ENO4: variants seen among roughly 807,000 people sequenced by gnomAD.
The protein encoded by ENO4 is 2-phospho-D-glycerate hydro-lyase.
Under a neutral mutation model 63.2 loss-of-function variants are expected in ENO4, and 53 were observed. That is an observed-to-expected ratio of 0.84 (90% CI 0.67 to 1.05). ENO4 has a LOEUF of 1.05. ENO4 is among the 50% of genes least tolerant of loss of function. The pLI is 0.00. For missense variants in ENO4, 719 were observed against 772.0 expected (o/e 0.93, Z 0.81); for synonymous variants, 266 against 283.8 (o/e 0.94, Z 0.63).
At chr10:116,904,980 T>A (rs1305532838) in intron 10 of ENO4, among the ~76,000 whole-genome samples, 4 of 151,560 alleles carry the variant, frequency 2.6e-5, no homozygotes, top group African/African-American at 9.7e-5. Context: ...GGCGGGTGGA[T>A]CATGAGGTCA....
chr10:116,911,397 C>T (rs1848185747), intron 10 of ENO4: 2 of 1,455,622 alleles, frequency 1.4e-6, no homozygotes, highest in Admixed American at 2.2e-5. Flanking sequence ...AGGAATTTAG[C>T]TTCACATTTA....
At chr10:116,877,848 T>A (rs1846881751) in intron 11 of ENO4, among the ~76,000 whole-genome samples, 1 of 152,216 alleles carries the variant, frequency 6.6e-6, no homozygotes, top group Non-Finnish European at 1.5e-5. Flanking sequence ...ACTTTATTGA[T>A]AAGAAAACAA....
At chr10:116,870,038 AG>A (rs1178671246) in intron 8 of ENO4, among the ~76,000 whole-genome samples, 2 of 152,208 alleles carry the variant, frequency 1.3e-5, no homozygotes, top group African/African-American at 4.8e-5. Flanking sequence ...AACAAAACTC[AG>A]TTGATGGACA....
At chr10:116,878,968 C>A (rs1387737772) in intron 11 of ENO4, among the ~76,000 whole-genome samples, 1 of 152,098 alleles carries the variant, frequency 6.6e-6, no homozygotes, top group African/African-American at 2.4e-5. Context: ...TGGTCTCGAT[C>A]TCCTGACCTC....
Position 116,879,962 on chromosome 10 carries a change from G to A in ENO4, c.1699G>A (p.Glu567Lys). The stretch of plus-strand genomic sequence containing the variant: ...CAACCGCCTTCTCACTATAGAGGAA[G>A]AACTTGTCCAGAATGGAACACTGGG... ...KYNRLLTIEE[E>K]LVQNGTLGFK... The change falls in exon 13 of 14, where the codon GAA becomes AAA. Residue 567 changes from glutamate to lysine, a missense_variant. Around this residue, in one of 3 missense-constraint regions of ENO4, gnomAD observed 168 missense variants for 163.3 expected, o/e 1.03. Coordinates refer to ENST00000341276, the MANE Select transcript of ENO4 (RefSeq NM_001242699.2). 1 of 1,550,758 alleles carries A rather than the reference G, an allele frequency of 6.4e-7. No homozygotes were observed. Among genetic ancestry groups the A allele is most frequent in the Non-Finnish European group, 8.7e-7 (1 of 1,146,892 alleles).
At chr10:116,880,171 C>A (rs1846964842) in intron 13 of ENO4, among the ~76,000 whole-genome samples, 185 bp downstream of exon 13, 1 of 152,144 alleles carries the variant, frequency 6.6e-6, no homozygotes, top group African/African-American at 2.4e-5. Flanking sequence ...CATCTATTTA[C>A]CTGAATGTTT....
At position 116,868,688 on chromosome 10, in the gene ENO4, T is replaced by C. The variant is rs750887648; in HGVS notation, c.1029T>C (p.Asp343=). Residue 343 remains aspartate, a synonymous_variant, in exon 8 of 14, where the codon GAT becomes GAC. Coordinates refer to ENST00000341276, the MANE Select transcript of ENO4 (RefSeq NM_001242699.2). Reference sequence around the variant, plus strand: ...AAGCAGAGACAAAAAAAGGGCACGATGGAAGCAAAAGAGGTCAAGTAAGTC... The same window carrying C: ...AAGCAGAGACAAAAAAAGGGCACGACGGAAGCAAAAGAGGTCAAGTAAGTC... ...PPKAETKKGH[D]GSKRGQQQIT... 5.8e-6 allele frequency: 9 copies of C among 1,550,402 alleles called. No homozygotes were observed. Among genetic ancestry groups the C allele is most frequent in the Non-Finnish European group, 7.8e-6 (9 of 1,146,964 alleles).
At position 116,865,813 on chromosome 10, in the gene ENO4, G is replaced by A. The variant is rs79831552; in HGVS notation, c.991-2837G>A. Among the ~76,000 whole-genome samples the A allele has an allele frequency of 1.4e-4, 21 of 152,338 alleles. No individual in the cohort carries two copies. The East Asian group carries it at 3.7e-3, about 27-fold the overall frequency. ...CCCAAATGTCAATAGCGCCAAGGCT[G>A]AGGAAGCCTGCTTTAAGGCTGTTGC... On this transcript the variant is annotated intron_variant, in intron 7 of 13. Coordinates refer to ENST00000341276, the MANE Select transcript of ENO4 (RefSeq NM_001242699.2).
chr10:116,898,664 T>C (rs1053117322), intron 10 of ENO4, among the ~76,000 whole-genome samples: 1 of 152,200 alleles, frequency 6.6e-6, no homozygotes, highest in Admixed American at 6.5e-5. Flanking sequence ...TTGTAGCTAT[T>C]ATTAAAATAG....
At chr10:116,891,956 A>G (rs928249185) in intron 10 of ENO4, among the ~76,000 whole-genome samples, 1 of 152,208 alleles carries the variant, frequency 6.6e-6, no homozygotes, top group African/African-American at 2.4e-5. Context: ...ATTTGTGGAA[A>G]AAGTAGATTT....
At chr10:116,882,944 G>C (rs1847060999), downstream of ENO4, 1 of 150,720 alleles carries the variant, frequency 6.6e-6, no homozygotes, top group African/African-American at 2.5e-5. Context: ...AAACATGACT[G>C]GGTGTTCACA....
chr10:116,877,726 G>GTGCA (rs1679220193), intron 11 of ENO4, among the ~76,000 whole-genome samples: 1 of 152,188 alleles, frequency 6.6e-6, no homozygotes, highest in Non-Finnish European at 1.5e-5. Flanking sequence ...TCCAGTGCTG[G>GTGCA]TGCATCTGGG....
Position 116,882,501 on chromosome 10 carries a change from T to G in ENO4, c.*832T>G, listed in dbSNP as rs1403532072. ...AGAGGAGTAGCAGAAATAAATATAT[T>G]CAGACACAAACATATAGATATAATA... On this transcript the variant is annotated 3_prime_UTR_variant, in exon 14 of 14. Coordinates refer to ENST00000341276, the MANE Select transcript of ENO4 (RefSeq NM_001242699.2). 6.6e-6 allele frequency: 1 copy of G among 152,068 alleles called. No homozygotes were observed. Among genetic ancestry groups the G allele is most frequent in the Non-Finnish European group, 1.5e-5 (1 of 68,026 alleles). The allele number at this position is 152,068 out of a possible 1,614,324, so 9.4% of individuals were successfully genotyped here.
At chr10:116,888,599 A>T (rs1483449247) in intron 10 of ENO4, among the ~76,000 whole-genome samples, 1 of 152,192 alleles carries the variant, frequency 6.6e-6, no homozygotes, top group Non-Finnish European at 1.5e-5. Flanking sequence ...AATCTGCAGA[A>T]TAAGCAGGAG....
Position 116,849,558 on chromosome 10 carries a change from T to C in ENO4, c.-9T>C. 5 of 1,529,024 alleles carry C rather than the reference T, an allele frequency of 3.3e-6. No homozygotes were observed. The highest frequency in any genetic ancestry group is 4.4e-6 in the Non-Finnish European group (5 of 1,137,198). 94.7% of individuals were successfully genotyped at this position (1,529,024 alleles called of 1,614,324 possible). Reference sequence around the variant, plus strand: ...GGCTAAACCCCGCTGTAGCCTTAAATCTCCTACCATGGAGGAAGAAGGCGG... The same window carrying C: ...GGCTAAACCCCGCTGTAGCCTTAAACCTCCTACCATGGAGGAAGAAGGCGG... On this transcript the variant is annotated 5_prime_UTR_variant, in exon 1 of 14. Coordinates refer to ENST00000341276, the MANE Select transcript of ENO4 (RefSeq NM_001242699.2).
At position 116,896,997 on chromosome 10, in the gene ENO4, G is replaced by A. The variant is rs555137866; in HGVS notation, c.1195-14502G>A. On this transcript the variant is annotated intron_variant, in intron 10 of 10. Transcript: ENST00000369207. ...AATTTTTGTATTTTTAGTAGAGATA[G>A]GGTTTTGCCATGTTGGCCCGGCTGG... Among the ~76,000 whole-genome samples the A allele has an allele frequency of 3.3e-5, 5 of 152,142 alleles. No homozygotes were observed. In the South Asian group the frequency reaches 1.0e-3, roughly 32 times the overall value.
chr10:116,849,814 T>G, intron 1 of ENO4, 83 bp downstream of exon 1: 1 of 1,402,282 alleles, frequency 7.1e-7, no homozygotes, highest in Non-Finnish European at 9.5e-7. Flanking sequence ...CGCCTGCGCC[T>G]GCGCCTCAGA....
At chr10:116,872,030 T>C (rs1846708873) in intron 9 of ENO4, among the ~76,000 whole-genome samples, 1 of 152,110 alleles carries the variant, frequency 6.6e-6, no homozygotes, top group Admixed American at 6.5e-5. Flanking sequence ...AACCCCCCTC[T>C]ACAAAAAATG....
At position 116,856,562 on chromosome 10, in the gene ENO4, C is replaced by T. The variant is rs779310798; in HGVS notation, c.365C>T (p.Ala122Val). Reference protein sequence around the residue: ...HENALPELAKAEEAERASAVS... With the variant: ...HENALPELAKVEEAERASAVS... ...AATGCTCTGCCCGAGCTGGCCAAGG[C>T]GGAGGAGGCAGAGAGGGCCAGCGCG... The change falls in exon 3 of 14, where the codon GCG (alanine) becomes GTG (valine). Residue 122 changes from alanine (A) to valine (V), a missense_variant. Ala to Val is a moderately conservative substitution (Grantham distance 64). Around this residue, in one of 3 missense-constraint regions of ENO4, gnomAD observed 544 missense variants for 583.6 expected, o/e 0.93. Transcript: ENST00000341276. 3.6e-5 allele frequency: 55 copies of T among 1,535,994 alleles called. No homozygotes were observed. Among genetic ancestry groups the T allele is most frequent in the Middle Eastern group, 1.7e-4 (1 of 6,012 alleles).
Sources: allele counts gnomAD v4.1 joint callset (sites outside exome capture counted in the v4.1 genomes callset), GRCh38; gene constraint gnomAD v4.1.1; regional missense constraint gnomAD v4.1.1; transcripts MANE v1.5; gene names NCBI Gene and HGNC (gene_info 2026-07-23, HGNC 2026-07-21).